MYCBPAP: variants seen among roughly 807,000 people sequenced by gnomAD.
MYCBPAP encodes the protein MYCBP-associated protein.
A neutral mutation model predicts 106.1 loss-of-function variants in MYCBPAP; 60 were observed. The observed-to-expected ratio is 0.57, with a 90% CI of 0.46 to 0.70. The LOEUF (loss-of-function observed/expected upper bound fraction) is 0.70. Ranked by LOEUF, MYCBPAP falls within the 30% of genes least tolerant of loss-of-function variation. The pLI is 0.00. For synonymous variants in MYCBPAP, 407 were observed against 440.6 expected (o/e 0.92, Z 0.95); for missense variants, 1,064 against 1,169.3 (o/e 0.91, Z 1.31).
chr17:50,530,158 TG>T, intron 18 of MYCBPAP: 1 of 392,472 alleles, frequency 2.5e-6, no homozygotes, highest in Non-Finnish European at 5.1e-6. Flanking sequence ...TGAGGACCCA[TG>T]GGGGTCAACG....
Position 50,521,386 on chromosome 17 carries a change from T to C in MYCBPAP, c.1103T>C (p.Val368Ala), listed in dbSNP as rs1256049905. The change falls in exon 9 of 19, where the codon GTG (valine) becomes GCG (alanine). Residue 368 changes from valine (V) to alanine (A), a missense_variant. Transcript: ENST00000323776. ...FSAVTVEDYT[V>A]FERSQGSSSE... Reference sequence around the variant, plus strand: ...GCTGTTACTGTGGAAGACTACACAGTGTTTGAAAGAAGTCAGGGAAGCTCC... The same window carrying C: ...GCTGTTACTGTGGAAGACTACACAGCGTTTGAAAGAAGTCAGGGAAGCTCC... The C allele has an allele frequency of 1.2e-6, 2 of 1,604,456 alleles. No individual in the cohort carries two copies. Among genetic ancestry groups the C allele is most frequent in the Non-Finnish European group, 8.5e-7 (1 of 1,174,954 alleles).
rs71146993 is a variant in MYCBPAP at position 50,520,506 on chromosome 17, AAAATAAAT to A, written c.917-584_917-577del. ...GGCAACAAGAGCAAAACTCTGTCTT[AAAATAAAT>A]AAATAAATAAATAAATAAACAAACA... On this transcript the variant is annotated intron_variant, in intron 7 of 18. Coordinates refer to ENST00000323776, the MANE Select transcript of MYCBPAP (RefSeq NM_032133.6). Among the ~76,000 whole-genome samples the A allele has an allele frequency of 2.6e-3, 387 of 151,172 alleles. 1 individual carries two copies. Among genetic ancestry groups the A allele is most frequent in the African/African-American group, 8.7e-3 (357 of 41,082 alleles).
intron 14 of MYCBPAP, among the ~76,000 whole-genome samples, chr17:50,526,779 C>T (rs2034477595): frequency 6.6e-6 from 1 of 152,220 alleles, no homozygotes; most frequent in Admixed American, 6.5e-5. Flanking sequence ...GACGGGGTTT[C>T]GCTATGTTGG....
intron 1 of MYCBPAP, among the ~76,000 whole-genome samples, chr17:50,513,558 A>T (rs1011844417): frequency 5.3e-5 from 8 of 152,232 alleles, no homozygotes; most frequent in Admixed American, 5.2e-4. Flanking sequence ...CAAACATGAA[A>T]GATTAGCTTC....
intron 18 of MYCBPAP, chr17:50,529,833 T>C (rs2034577707): frequency 2.2e-6 from 1 of 456,550 alleles, no homozygotes; most frequent in African/African-American, 2.0e-5. Flanking sequence ...CTGTAAGAGT[T>C]TGAAGGACTA....
At chr17:50,516,479 G>T (rs2034055613) in intron 1 of MYCBPAP, 91 bp from the exon 2 acceptor site, 4 of 1,424,492 alleles carry the variant, frequency 2.8e-6, no homozygotes, top group Non-Finnish European at 3.8e-6. Context: ...ATGGAGTCTA[G>T]TATATATTTT....
At chr17:50,508,343 CG>C (rs1025307668), upstream of MYCBPAP, 1 of 484,204 alleles carries the variant, frequency 2.1e-6, no homozygotes. Context: ...CCGCAACTCG[CG>C]GGGGTCCTCG....
At chr17:50,510,499 G>GTATGTATGTATATATATATATATA (rs1555618059) in intron 1 of MYCBPAP, 1 of 76,414 alleles carries the variant, frequency 1.3e-5, no homozygotes, top group African/African-American at 4.6e-5. Context: ...GTGTGTGTGT[G>GTATGTATGTATATATATATATATA]TATATATATA....
chr17:50,511,094 T>G (rs1282864217), intron 1 of MYCBPAP, among the ~76,000 whole-genome samples: 1 of 152,098 alleles, frequency 6.6e-6, no homozygotes, highest in Non-Finnish European at 1.5e-5. Context: ...GCAAGATATC[T>G]TTTTAAAAAT....
intron 6 of MYCBPAP, chr17:50,519,427 C>T: frequency 3.2e-6 from 2 of 629,974 alleles, no homozygotes; most frequent in South Asian, 3.9e-5. Context: ...AGTACCTGTA[C>T]CAACCCACAC....
intron 7 of MYCBPAP, among the ~76,000 whole-genome samples, chr17:50,520,752 C>T (rs1005338279): frequency 1.3e-5 from 2 of 152,170 alleles, no homozygotes; most frequent in Middle Eastern, 3.4e-3. Context: ...ACCCCTCTGG[C>T]CTGTAGTTTC....
Position 50,508,443 on chromosome 17 carries a change from C to T in MYCBPAP, c.-232C>T. 2.6e-6 allele frequency: 3 copies of T among 1,159,680 alleles called. No individual in the cohort carries two copies. The South Asian group carries it at 4.4e-5, about 17-fold the overall frequency. 71.8% of individuals were successfully genotyped at this position (1,159,680 alleles called of 1,614,324 possible). On this transcript the variant is annotated 5_prime_UTR_variant, in exon 1 of 19. Coordinates refer to ENST00000323776, the MANE Select transcript of MYCBPAP (RefSeq NM_032133.6). Reference sequence around the variant, plus strand: ...GGCGTCACAGGCCGGGCCCGCAGGGCTTTCTAGGGGTCCGTCGCTCTTGAA... The same window carrying T: ...GGCGTCACAGGCCGGGCCCGCAGGGTTTTCTAGGGGTCCGTCGCTCTTGAA...
At chr17:50,509,534 T>TCTGTGTGTGTG (rs1340756401) in intron 1 of MYCBPAP, 3 of 117,932 alleles carry the variant, frequency 2.5e-5, no homozygotes, top group African/African-American at 1.4e-4. Flanking sequence ...AGCTTTTTTT[T>TCTGTGTGTGTG]TCTGTGTGTG....
intron 1 of MYCBPAP, chr17:50,510,058 A>T (rs2033771529): frequency 1.3e-5 from 2 of 152,272 alleles, no homozygotes. Flanking sequence ...GTCAGGGGCC[A>T]GACCATGAAA....
chr17:50,509,693 G>T (rs562960629), intron 1 of MYCBPAP: 35 of 156,146 alleles, frequency 2.2e-4, no homozygotes, highest in African/African-American at 8.2e-4. Flanking sequence ...ACTGCGCCCA[G>T]CCTATTTTTG....
intron 4 of MYCBPAP, 102 bp downstream of exon 4, chr17:50,517,800 G>C: frequency 1.0e-6 from 1 of 964,754 alleles, no homozygotes; most frequent in Non-Finnish European, 1.6e-6. Context: ...AGACAGTCTA[G>C]TCTGTAGGTT....
Position 50,529,159 on chromosome 17 carries a change from G to A in MYCBPAP, c.2695G>A (p.Gly899Arg). The change falls in exon 18 of 19, where the codon GGG (glycine) becomes AGG (arginine). Residue 899 changes from glycine to arginine, a missense_variant. Physicochemically the swap from Gly to Arg is moderately radical, Grantham distance 125. Transcript: ENST00000323776. ...SQEPIDPLVM[G>R]KYTQSLHSEV... ...AGAACCCATAGACCCCCTGGTCATG[G>A]GGAAATACACCCAGAGCCTGCACAG... 2 of 1,613,258 alleles carry A rather than the reference G, an allele frequency of 1.2e-6. No homozygotes were observed. Among genetic ancestry groups the A allele is most frequent in the South Asian group, 1.1e-5 (1 of 91,040 alleles).
At chr17:50,523,340 A>C (rs2034346510) in intron 11 of MYCBPAP, among the ~76,000 whole-genome samples, 1 of 152,184 alleles carries the variant, frequency 6.6e-6, no homozygotes, top group African/African-American at 2.4e-5. Context: ...GAGGTGAGCC[A>C]CCAGGGAGCA....
intron 10 of MYCBPAP, 106 bp from the exon 11 acceptor site, chr17:50,522,833 G>C: frequency 8.9e-7 from 1 of 1,128,092 alleles, no homozygotes; most frequent in South Asian, 1.6e-5. Context: ...CCTGGGACAC[G>C]AGACTTGCAG....
Sources: gnomAD v4.1 joint callset for allele counts (sites outside exome capture counted in the v4.1 genomes callset) on GRCh38, gnomAD v4.1.1 for gene constraint, MANE v1.5 for transcripts, NCBI Gene and HGNC (gene_info 2026-07-23, HGNC 2026-07-21) for gene names.